The following ZEB2 variants were observed in gnomAD, a reference collection of about 807,000 sequenced individuals.
The protein encoded by ZEB2 is zinc finger E-box binding homeobox 2, also known as zinc finger E-box-binding homeobox 2.
A neutral mutation model predicts 99.9 loss-of-function variants in ZEB2; 6 were observed. The observed-to-expected ratio is 0.06, with a 90% CI of 0.03 to 0.12. The LOEUF is 0.12. ZEB2 is among the 10% of genes least tolerant of loss of function. The probability of loss-of-function intolerance (pLI) is 1.00; values close to 1 mark genes in which losing one functional copy is unlikely to be tolerated. For missense variants in ZEB2, 969 were observed against 1,502.8 expected (o/e 0.64, Z 5.87); for synonymous variants, 517 against 542.5 (o/e 0.95, Z 0.65).
intron 2 of ZEB2, among the ~76,000 whole-genome samples, chr2:144,468,657 G>A (rs1051273476): frequency 3.1e-5 from 4 of 127,026 alleles, no homozygotes; most frequent in African/African-American, 1.1e-4. Context: ...ACACATGTTT[G>A]CGTGTATTAC....
At chr2:144,409,272 T>C (rs1703427317) in intron 4 of ZEB2, among the ~76,000 whole-genome samples, 1 of 152,158 alleles carries the variant, frequency 6.6e-6, no homozygotes, top group Non-Finnish European at 1.5e-5. Flanking sequence ...CAATTTTGGT[T>C]ACTCTCAGAA....
At chr2:144,468,856 C>T (rs1186994369) in intron 2 of ZEB2, among the ~76,000 whole-genome samples, 1 of 152,032 alleles carries the variant, frequency 6.6e-6, no homozygotes, top group Admixed American at 6.6e-5. Flanking sequence ...TTTTTTAAGG[C>T]CAGCTCAAGC....
rs34295315 is a variant in ZEB2, at chr2:144,398,222, A to AT, written c.2886+78dup. 219,284 of 1,556,324 alleles carry AT rather than the reference A, an allele frequency of 0.14. 14,866 individuals carry two copies. The highest frequency in any genetic ancestry group is 0.22 in the African/African-American group (15,898 of 73,200). ...GTTTCTGCTGAGTTTTTTCACTAAG[A>AT]TTTTTTTTTCCTACATGCACATAAT... is the stretch of plus-strand genomic sequence containing the variant. On this transcript the variant is annotated intron_variant, in intron 8 of 9. Coordinates refer to ENST00000627532, the MANE Select transcript of ZEB2 (RefSeq NM_014795.4).
chr2:144,494,120 C>T (rs1218848533), intron 2 of ZEB2: 1 of 137,960 alleles, frequency 7.2e-6, no homozygotes, highest in Non-Finnish European at 1.5e-5. Context: ...CCACTCCACT[C>T]CAGCCTGGGC....
chr2:144,468,615 A>ACATGTGTGTGTG, intron 2 of ZEB2, among the ~76,000 whole-genome samples: 1 of 152,200 alleles, frequency 6.6e-6, no homozygotes, highest in East Asian at 1.9e-4. Flanking sequence ...TGGAGTTAGC[A>ACATGTGTGTGTG]CATGTGTGTG....
intron 2 of ZEB2, among the ~76,000 whole-genome samples, chr2:144,480,179 T>C (rs1439659051): frequency 6.6e-6 from 1 of 152,178 alleles, no homozygotes; most frequent in East Asian, 1.9e-4. Context: ...GGGAGTGATA[T>C]TATGGCTCCC....
rs564308216 is a variant in ZEB2 at position 144,512,523 on chromosome 2, A to G, written c.73+4755T>C. On this transcript the variant is annotated intron_variant, in intron 2 of 9. Coordinates refer to ENST00000627532, the MANE Select transcript of ZEB2 (RefSeq NM_014795.4). ...GAAGGGAAACACTGAAACCTATGAC[A>G]TAGCAGTTGAGCAGGGAACTTTAAT... 4.6e-5 allele frequency: 59 copies of G among 1,287,218 alleles called. No homozygotes were observed. In the African/African-American group the frequency reaches 8.6e-4, roughly 19 times the overall value. 79.7% of individuals were successfully genotyped at this position (1,287,218 alleles called of 1,614,324 possible). A position where few individuals can be genotyped will look rare whatever the true frequency, so the allele number is the denominator to read the frequency against.
chr2:144,408,771 T>C (rs1703419510), intron 4 of ZEB2, among the ~76,000 whole-genome samples: 1 of 152,226 alleles, frequency 6.6e-6, no homozygotes, highest in African/African-American at 2.4e-5. Context: ...CATGTGATCC[T>C]GCTCCCCTAG....
At chr2:144,434,170 A>G (rs1336833322) in intron 2 of ZEB2, among the ~76,000 whole-genome samples, 1 of 152,220 alleles carries the variant, frequency 6.6e-6, no homozygotes, top group African/African-American at 2.4e-5. Context: ...CTATTGATGT[A>G]AAGGAAAATT....
chr2:144,506,424 T>C (rs1039660473), intron 2 of ZEB2, among the ~76,000 whole-genome samples: 5 of 152,222 alleles, frequency 3.3e-5, no homozygotes, highest in Non-Finnish European at 7.3e-5. Flanking sequence ...AATGGGTCTA[T>C]TTATTATGAA....
chr2:144,492,850 A>G (rs1704701917), intron 2 of ZEB2, among the ~76,000 whole-genome samples: 1 of 152,226 alleles, frequency 6.6e-6, no homozygotes, highest in African/African-American at 2.4e-5. Context: ...ATGTATACTG[A>G]ATCTTTAATA....
At chr2:144,411,085 A>ATATATG (rs1444400532) in intron 4 of ZEB2, among the ~76,000 whole-genome samples, 1 of 111,002 alleles carries the variant, frequency 9.0e-6, no homozygotes, top group Non-Finnish European at 1.9e-5. Flanking sequence ...ATATATATAT[A>ATATATG]TATATATATA....
chr2:144,510,398 A>C (rs1705015320), intron 2 of ZEB2, among the ~76,000 whole-genome samples: 1 of 151,642 alleles, frequency 6.6e-6, no homozygotes, highest in Admixed American at 6.6e-5. Flanking sequence ...GTAAACAATC[A>C]GACTTATTAA....
intron 4 of ZEB2, among the ~76,000 whole-genome samples, chr2:144,421,899 T>C (rs1328456480): frequency 1.3e-5 from 2 of 152,230 alleles, no homozygotes; most frequent in Non-Finnish European, 2.9e-5. Context: ...TATCTATATA[T>C]CTTTTATATG....
At chr2:144,441,699 G>A (rs971602422) in intron 2 of ZEB2, among the ~76,000 whole-genome samples, 1 of 152,102 alleles carries the variant, frequency 6.6e-6, no homozygotes, top group African/African-American at 2.4e-5. Context: ...CTTCCTAAGT[G>A]TTTTAGACTA....
At position 144,388,817 on chromosome 2, in the gene ZEB2, T is replaced by A; in HGVS notation, c.*634A>T. 2.3e-6 allele frequency: 1 copy of A among 438,594 alleles called. No homozygotes were observed. The highest frequency in any genetic ancestry group is 1.7e-5 in the South Asian group (1 of 58,250). The allele number at this position is 438,594 out of a possible 1,614,324, so 27.2% of individuals were successfully genotyped here. ...TTTCTTTATTTCTCATCTTACTTTT[T>A]CCTTCACGTCCAGGTCACTTTAAGA... On this transcript the variant is annotated 3_prime_UTR_variant, in exon 10 of 10. Transcript: ENST00000627532. The surrounding 1 kb of genome is among the most constrained non-coding windows in gnomAD (Gnocchi z 5.4).
intron 2 of ZEB2, among the ~76,000 whole-genome samples, chr2:144,469,415 T>A (rs1349362457): frequency 6.6e-6 from 1 of 152,098 alleles, no homozygotes; most frequent in Non-Finnish European, 1.5e-5. Context: ...ATAAATACCA[T>A]CAGCCAGTAC....
chr2:144,494,486 C>G (rs1704732460), intron 2 of ZEB2: 1 of 152,154 alleles, frequency 6.6e-6, no homozygotes, highest in Non-Finnish European at 1.5e-5. Flanking sequence ...TCTCTTTGGA[C>G]AATGTAAATT....
In ZEB2 at chr2:144,398,769, G is replaced by A. The variant is rs770951243; in HGVS notation, c.2418C>T (p.Phe806=). 1.2e-6 allele frequency: 2 copies of A among 1,614,142 alleles called. No individual in the cohort carries two copies. The highest frequency in any genetic ancestry group is 1.7e-6 in the Non-Finnish European group (2 of 1,180,028). ...SHSSSYTPNS[F]SSEELQAEPL... ...GCTCAGCCTGGAGCTCCTCAGAAGA[G>A]AAGCTGTTTGGAGTGTATGAACTAC... is the stretch of plus-strand genomic sequence containing the variant. Residue 806 remains phenylalanine, a synonymous_variant, in exon 8 of 10, where the codon TTC becomes TTT. Transcript: ENST00000627532.
Sources: gnomAD v4.1 joint callset for allele counts (sites outside exome capture counted in the v4.1 genomes callset) on GRCh38, gnomAD v4.1.1 for gene constraint, Gnocchi (gnomAD v3.1) non-coding constraint, MANE v1.5 for transcripts, NCBI Gene and HGNC (gene_info 2026-07-23, HGNC 2026-07-21) for gene names.